POLA1: variants seen among roughly 807,000 people sequenced by gnomAD.
POLA1 encodes the protein DNA polymerase alpha 1, catalytic subunit.
POLA1 carries 15 observed loss-of-function variants against 124.0 expected under a neutral mutation model. The observed-to-expected ratio is 0.12, with a 90% CI of 0.08 to 0.19. The LOEUF (loss-of-function observed/expected upper bound fraction) is 0.19, where lower values mean the gene tolerates loss of function less well. Among genes scored for constraint, POLA1 ranks in the 10% least tolerant of loss-of-function variants. The pLI is 1.00. For missense variants in POLA1, 886 were observed against 1,103.4 expected (o/e 0.80, Z 2.79); for synonymous variants, 408 against 389.4 (o/e 1.05, Z -0.56).
At chrX:24,967,782 C>G (rs1002929747) in intron 36 of POLA1, among the ~76,000 whole-genome samples, 18 of 111,583 alleles carry the variant, frequency 1.6e-4, no homozygotes, top group African/African-American at 5.9e-4. Flanking sequence ...ATTAGTGGCT[C>G]TCCACTAGAA....
intron 36 of POLA1, among the ~76,000 whole-genome samples, chrX:24,939,093 A>T (rs1396952445): frequency 8.9e-6 from 1 of 111,978 alleles, no homozygotes; most frequent in African/African-American, 3.2e-5. Flanking sequence ...ATTTCGCATT[A>T]TGTCTTTTTA....
At chrX:24,803,390 C>T (rs2045749030) in intron 26 of POLA1, among the ~76,000 whole-genome samples, 1 of 110,759 alleles carries the variant, frequency 9.0e-6, no homozygotes, top group Non-Finnish European at 1.9e-5. Context: ...CAGGATAGCT[C>T]CTTATAATAA....
chrX:24,765,468 G>A (rs1374342067), intron 26 of POLA1, among the ~76,000 whole-genome samples: 14 of 109,121 alleles, frequency 1.3e-4, no homozygotes, highest in African/African-American at 4.7e-4. Context: ...GCTAATTTTT[G>A]TATTTTTTGT....
At chrX:24,797,413 C>T (rs2045626981) in intron 26 of POLA1, among the ~76,000 whole-genome samples, 1 of 111,857 alleles carries the variant, frequency 8.9e-6, no homozygotes, top group Non-Finnish European at 1.9e-5. Flanking sequence ...CCTATACTCA[C>T]CTTCCCCTTA....
At chrX:24,922,615 G>A (rs531029901) in intron 35 of POLA1, among the ~76,000 whole-genome samples, 1 of 110,929 alleles carries the variant, frequency 9.0e-6, no homozygotes, top group South Asian at 3.8e-4. Context: ...AGCCCCTGAG[G>A]CCCACAAATA....
chrX:24,725,718 C>T (rs1341594166), intron 12 of POLA1, among the ~76,000 whole-genome samples: 1 of 111,850 alleles, frequency 8.9e-6, no homozygotes, highest in African/African-American at 3.2e-5. Flanking sequence ...AATGCATTAA[C>T]ATTGTAAAAA....
intron 36 of POLA1, among the ~76,000 whole-genome samples, chrX:24,933,409 G>A (rs1471832169): frequency 1.8e-5 from 2 of 111,843 alleles, no homozygotes; most frequent in Admixed American, 1.9e-4. Context: ...TAAGGGAACC[G>A]GAGGGCAAAT....
rs541967639 is a variant in POLA1 at position 24,804,745 on chromosome X, A to C, written c.2965-5153A>C. Among the ~76,000 whole-genome samples, 26 of 111,988 alleles carry C rather than the reference A, an allele frequency of 2.3e-4. 2 individuals carry two copies. The South Asian group carries it at 9.8e-3, about 42-fold the overall frequency. On this transcript the variant is annotated intron_variant, in intron 26 of 36. Coordinates refer to ENST00000379068, the MANE Select transcript of POLA1 (RefSeq NM_001330360.2). ...GTTTTCTCTCTATTGTTTAGTATTA[A>C]TAAATACTCTTTTAGTCTGTAATAG...
At chrX:24,857,699 A>G (rs951182945) in intron 34 of POLA1, among the ~76,000 whole-genome samples, 4 of 111,857 alleles carry the variant, frequency 3.6e-5, no homozygotes, top group African/African-American at 1.3e-4. Context: ...TTCTACATAA[A>G]TGCATTGTTA....
At chrX:24,946,719 T>C (rs2047965774) in intron 36 of POLA1, among the ~76,000 whole-genome samples, 1 of 111,988 alleles carries the variant, frequency 8.9e-6, no homozygotes, top group Admixed American at 9.5e-5. Flanking sequence ...ATTATAATTA[T>C]TTGAGGACAG....
intron 26 of POLA1, among the ~76,000 whole-genome samples, chrX:24,771,545 G>C (rs957314049): frequency 9.0e-6 from 1 of 111,244 alleles, no homozygotes; most frequent in South Asian, 3.8e-4. Flanking sequence ...ATTTTCTTGA[G>C]GGTTTCTGTC....
chrX:24,854,738 A>G (rs1392780385), intron 34 of POLA1, among the ~76,000 whole-genome samples: 4 of 110,390 alleles, frequency 3.6e-5, no homozygotes, highest in Non-Finnish European at 7.6e-5. Flanking sequence ...CTGAGGCAGG[A>G]AAATCGCTTG....
intron 26 of POLA1, among the ~76,000 whole-genome samples, chrX:24,802,824 C>T (rs750459611): frequency 9.0e-6 from 1 of 111,096 alleles, no homozygotes; most frequent in Admixed American, 9.5e-5. Context: ...ATGGTGAAAC[C>T]CCGTCTCTAT....
intron 26 of POLA1, among the ~76,000 whole-genome samples, chrX:24,757,588 C>T (rs1361911147): frequency 5.5e-5 from 6 of 108,512 alleles, no homozygotes; most frequent in Non-Finnish European, 7.6e-5. Context: ...TACAGGCGCC[C>T]GCCACCATGC....
chrX:24,830,657 T>C (rs1410805957), intron 32 of POLA1, among the ~76,000 whole-genome samples: 1 of 111,953 alleles, frequency 8.9e-6, no homozygotes, highest in Non-Finnish European at 1.9e-5. Flanking sequence ...CTCTAGACTA[T>C]AGATTTTTCT....
At chrX:24,866,811 G>C (rs113515795) in intron 34 of POLA1, among the ~76,000 whole-genome samples, 4,560 of 111,734 alleles carry the variant, frequency 0.041, 219 homozygotes, top group African/African-American at 0.14. Context: ...TAAATGTGTT[G>C]TTCAAAGACC....
intron 36 of POLA1, among the ~76,000 whole-genome samples, chrX:24,939,143 G>A (rs944468567): frequency 5.4e-5 from 6 of 112,071 alleles, no homozygotes; most frequent in African/African-American, 1.9e-4. Context: ...GACAGGTACA[G>A]CAACACAAGG....
intron 35 of POLA1, among the ~76,000 whole-genome samples, chrX:24,890,549 A>G (rs778003588): frequency 4.4e-5 from 5 of 112,420 alleles, no homozygotes; most frequent in Non-Finnish European, 7.5e-5. Context: ...CAATACATAC[A>G]TACATTGCAT....
intron 36 of POLA1, among the ~76,000 whole-genome samples, chrX:24,966,110 CAG>C (rs1416641749): frequency 2.7e-5 from 3 of 112,196 alleles, no homozygotes; most frequent in Non-Finnish European, 5.6e-5. Flanking sequence ...GTTTATTTTG[CAG>C]AGTTTTCATT....
Sources: allele counts gnomAD v4.1 joint callset (sites outside exome capture counted in the v4.1 genomes callset), GRCh38; gene constraint gnomAD v4.1.1; transcripts MANE v1.5; gene names NCBI Gene and HGNC (gene_info 2026-07-23, HGNC 2026-07-21).